CDRT4: variants seen among roughly 807,000 people sequenced by gnomAD.
CDRT4 encodes the protein CMT1A duplicated region transcript 4, also known as CMT1A duplicated region transcript 4 protein.
For synonymous variants in CDRT4, 64 were observed against 69.6 expected, an observed-to-expected ratio of 0.92 and a Z score of 0.40; for missense variants, 167 against 193.1, an observed-to-expected ratio of 0.87 and a Z score of 0.80.
rs1214001462 is a variant in CDRT4, at chr17:15,436,130, T to G, written c.*1643A>C. 2 of 152,240 alleles carry G rather than the reference T, an allele frequency of 1.3e-5. No homozygotes were observed. The highest frequency in any genetic ancestry group is 4.8e-5 in the African/African-American group (2 of 41,466). The allele number at this position is 152,240 out of a possible 1,614,324, so 9.4% of individuals were successfully genotyped here. A position where few individuals can be genotyped will look rare whatever the true frequency, so the allele number is the denominator to read the frequency against. On this transcript the variant is annotated 3_prime_UTR_variant, in exon 4 of 4. Transcript: ENST00000619038. Reference sequence around the variant, plus strand: ...CCACCTATATTTTTCGAAGAATTCATTCTGGCCAACAGTTGGGAACCAATA... The same window carrying G: ...CCACCTATATTTTTCGAAGAATTCAGTCTGGCCAACAGTTGGGAACCAATA...
intron 2 of CDRT4, among the ~76,000 whole-genome samples, chr17:15,443,296 T>TTA (rs1472343832): frequency 6.6e-6 from 1 of 151,206 alleles, no homozygotes; most frequent in Non-Finnish European, 1.5e-5. Flanking sequence ...TTTTTTTTTT[T>TTA]AGAGACAGGG....
chr17:15,465,377 CACATA>C (rs1186082940), intron 1 of CDRT4, among the ~76,000 whole-genome samples: 1 of 149,972 alleles, frequency 6.7e-6, no homozygotes, highest in Non-Finnish European at 1.5e-5. Context: ...AACACAGACA[CACATA>C]ACACACACAC....
chr17:15,464,444 G>A lies in CDRT4; in HGVS notation c.-130+3016C>T, dbSNP rs559732560. Among the ~76,000 whole-genome samples, 7 of 152,226 alleles carry A rather than the reference G, an allele frequency of 4.6e-5. No individual in the cohort carries two copies. In the South Asian group the frequency reaches 1.5e-3, roughly 32 times the overall value. Reference sequence around the variant, plus strand: ...AGCAGCGGCTGCCTTTTCCGAGCTCGCTTCTTCCCTTCCCACCCCTTGCTA... The same window carrying A: ...AGCAGCGGCTGCCTTTTCCGAGCTCACTTCTTCCCTTCCCACCCCTTGCTA... On this transcript the variant is annotated intron_variant, in intron 1 of 3. Transcript: ENST00000619038. This position sits in a 1 kb window ranked among gnomAD's most constrained non-coding sequence, Gnocchi z 4.5.
At chr17:15,452,366 G>A (rs929643535) in intron 2 of CDRT4, 1 of 152,192 alleles carries the variant, frequency 6.6e-6, no homozygotes, top group Non-Finnish European at 1.5e-5. Flanking sequence ...TCAAGCACAT[G>A]GACCCGTGAC....
chr17:15,441,783 C>G (rs1393137378), intron 2 of CDRT4, among the ~76,000 whole-genome samples: 1 of 152,234 alleles, frequency 6.6e-6, no homozygotes, highest in African/African-American at 2.4e-5. Flanking sequence ...AGAGACAGAT[C>G]TTACAGAGTC....
intron 2 of CDRT4, among the ~76,000 whole-genome samples, chr17:15,442,175 C>T (rs529117599): frequency 6.6e-6 from 1 of 152,188 alleles, no homozygotes; most frequent in East Asian, 1.9e-4. Context: ...CTTTGGGAGA[C>T]CACGACGGGC....
intron 1 of CDRT4, among the ~76,000 whole-genome samples, chr17:15,453,550 C>A (rs1567612335): frequency 6.6e-6 from 1 of 152,330 alleles, no homozygotes; most frequent in East Asian, 1.9e-4. Context: ...CTCTCCCCAA[C>A]AAAGGCCTGG....
chr17:15,464,138 G>A lies in CDRT4; in HGVS notation c.-130+3322C>T, dbSNP rs1979884645. On this transcript the variant is annotated intron_variant, in intron 1 of 3. Coordinates refer to ENST00000619038, the MANE Select transcript of CDRT4 (RefSeq NM_001204477.2). The surrounding 1 kb of genome is among the most constrained non-coding windows in gnomAD (Gnocchi z 4.5). ...TGCTTCTGACCAACTGTGTGACCTT[G>A]GGTAACTTATTAACCTCTCTGGCCG... is the stretch of plus-strand genomic sequence containing the variant. Among the ~76,000 whole-genome samples the A allele has an allele frequency of 1.3e-5, 2 of 152,166 alleles. No individual in the cohort carries two copies. The highest frequency in any genetic ancestry group is 4.1e-4 in the South Asian group (2 of 4,824).
At chr17:15,467,067 T>C (rs963390724) in intron 1 of CDRT4, among the ~76,000 whole-genome samples, 20 of 151,520 alleles carry the variant, frequency 1.3e-4, no homozygotes, top group South Asian at 1.2e-3. Flanking sequence ...CCCCAGGGGA[T>C]GGGGGGGAAC....
intron 2 of CDRT4, among the ~76,000 whole-genome samples, chr17:15,449,845 A>T (rs1222786564): frequency 6.6e-6 from 1 of 152,220 alleles, no homozygotes; most frequent in Non-Finnish European, 1.5e-5. Context: ...GTTTACTTAG[A>T]ATAATGGCTT....
intron 1 of CDRT4, among the ~76,000 whole-genome samples, chr17:15,463,996 G>GT (rs1349856131): frequency 3.3e-5 from 5 of 152,276 alleles, no homozygotes; most frequent in African/African-American, 9.6e-5. Flanking sequence ...GGTCAAGCAA[G>GT]TAACAGAGTC....
rs770516900 is a variant in CDRT4, at chr17:15,464,529, G to A, written c.-130+2931C>T. The stretch of plus-strand genomic sequence containing the variant: ...CTGGGCATTAGCAATCTGAGAGCTG[G>A]GTAACAAGTCCTGGGGTGGGGTTTC... On this transcript the variant is annotated intron_variant, in intron 1 of 3. Coordinates refer to ENST00000619038, the MANE Select transcript of CDRT4 (RefSeq NM_001204477.2). This position sits in a 1 kb window ranked among gnomAD's most constrained non-coding sequence, Gnocchi z 4.5. 3.9e-5 allele frequency among the ~76,000 whole-genome samples: 6 copies of A among 152,026 alleles called. No homozygotes were observed. The highest frequency in any genetic ancestry group is 5.9e-5 in the Non-Finnish European group (4 of 68,004).
chr17:15,465,619 G>T (rs1012733497), intron 1 of CDRT4, among the ~76,000 whole-genome samples: 10 of 151,444 alleles, frequency 6.6e-5, no homozygotes, highest in South Asian at 2.1e-4. Context: ...CCAGCACAGA[G>T]ATACACACCA....
In CDRT4 at chr17:15,450,224, T is replaced by C. The variant is rs1373896195; in HGVS notation, c.-48+2780A>G. On this transcript the variant is annotated intron_variant, in intron 2 of 3. Transcript: ENST00000619038. The surrounding 1 kb of genome is among the most constrained non-coding windows in gnomAD (Gnocchi z 4.2). ...CACCTCCTTCTCCTTCCATTGTAGGTTGTCTTTGTCTTGCCCGGCTTTGAG... is the reference window on the plus strand; with the variant it reads ...CACCTCCTTCTCCTTCCATTGTAGGCTGTCTTTGTCTTGCCCGGCTTTGAG... 1.3e-5 allele frequency among the ~76,000 whole-genome samples: 2 copies of C among 152,190 alleles called. No individual in the cohort carries two copies. The highest frequency in any genetic ancestry group is 4.8e-5 in the African/African-American group (2 of 41,428).
intron 2 of CDRT4, among the ~76,000 whole-genome samples, chr17:15,448,058 C>T (rs1221853028): frequency 6.6e-6 from 1 of 152,152 alleles, no homozygotes; most frequent in Non-Finnish European, 1.5e-5. Flanking sequence ...AAAAGGAAGT[C>T]CTGCTCCGTT....
At chr17:15,455,318 T>C (rs1012592332) in intron 1 of CDRT4, among the ~76,000 whole-genome samples, 6 of 152,174 alleles carry the variant, frequency 3.9e-5, no homozygotes, top group African/African-American at 1.4e-4. Context: ...AGGGTAAACA[T>C]GGAAATCGTT....
chr17:15,451,778 C>T (rs2150792528), intron 2 of CDRT4, among the ~76,000 whole-genome samples: 1 of 152,350 alleles, frequency 6.6e-6, no homozygotes, highest in Non-Finnish European at 1.5e-5. Flanking sequence ...TGTAACATCA[C>T]CACCAGTCAC....
At chr17:15,440,526 C>T (rs1251454228) in intron 2 of CDRT4, among the ~76,000 whole-genome samples, 1 of 152,084 alleles carries the variant, frequency 6.6e-6, no homozygotes, top group African/African-American at 2.4e-5. Context: ...TCTGGGTGTT[C>T]TGCTTTCCAG....
chr17:15,444,098 G>A, intron 2 of CDRT4: 1 of 1,234,504 alleles, frequency 8.1e-7, no homozygotes, highest in Non-Finnish European at 1.2e-6. Context: ...CTTTGATTCA[G>A]CAAGCCACAA....
Sources: gnomAD v4.1 joint callset for allele counts (sites outside exome capture counted in the v4.1 genomes callset) on GRCh38, gnomAD v4.1.1 for gene constraint, Gnocchi (gnomAD v3.1) non-coding constraint, MANE v1.5 for transcripts, NCBI Gene and HGNC (gene_info 2026-07-23, HGNC 2026-07-21) for gene names.